The following ITFG2 variants were observed in gnomAD, a reference collection of about 807,000 sequenced individuals.
The protein encoded by ITFG2 is KICSTOR complex protein ITFG2.
In ITFG2, 36 loss-of-function variants were observed where a neutral mutation model predicts 54.4. The ratio of observed to expected loss-of-function variants is 0.66; its 90% CI spans 0.51 to 0.87. The LOEUF is 0.87. Ranked by LOEUF, ITFG2 falls within the 40% of genes least tolerant of loss-of-function variation. ITFG2 has a pLI of 0.00. For synonymous variants in ITFG2, 211 were observed against 225.4 expected, an observed-to-expected ratio of 0.94 and a Z score of 0.57; for missense variants, 524 against 576.7, an observed-to-expected ratio of 0.91 and a Z score of 0.94.
At position 2,840,654 on chromosome 12, in the gene ITFG2, C is replaced by T. The variant is rs773645930; in HGVS notation, n.147-188C>T. On this transcript the variant is annotated intron_variant and non_coding_transcript_variant, in intron 1 of 3. Coordinates refer to the ITFG2 transcript ENST00000537710. Reference sequence around the variant, plus strand: ...ACAAAAACTTAGCCGGGCGAGGTGGCGGGCGCCTGTAGTCCCAGCTACTCG... The same window carrying T: ...ACAAAAACTTAGCCGGGCGAGGTGGTGGGCGCCTGTAGTCCCAGCTACTCG... 1.1e-4 allele frequency among the ~76,000 whole-genome samples: 17 copies of T among 151,934 alleles called. No individual in the cohort carries two copies. In the East Asian group the frequency reaches 1.4e-3, roughly 12 times the overall value.
chr12:2,851,071 C>G (rs28431051), intron 2 of ITFG2, among the ~76,000 whole-genome samples: 144,780 of 144,780 alleles, frequency 1, 72,390 homozygotes, highest in Non-Finnish European at 1. Flanking sequence ...GGAGGCTGAG[C>G]CAGGAGAATC....
At position 2,822,823 on chromosome 12, in the gene ITFG2, C is replaced by T. The variant is rs61744187; in HGVS notation, c.978C>T (p.Cys326=). Residue 326 remains cysteine (C), a synonymous_variant, in exon 10 of 12, where the codon TGC becomes TGT. Coordinates refer to ENST00000228799, the MANE Select transcript of ITFG2 (RefSeq NM_018463.4). ...TGNGHEEVVA[C]AWDGQTYIID... The stretch of plus-strand genomic sequence containing the variant: ...ACGGGCATGAGGAGGTAGTTGCATG[C>T]GCCTGGGATGGACAGACATATATCA... The T allele has an allele frequency of 2.0e-4, 319 of 1,614,018 alleles. No homozygotes were observed. Among genetic ancestry groups the T allele is most frequent in the African/African-American group, 3.3e-4 (25 of 74,910 alleles).
At chr12:2,847,181 T>C (rs1426861798) in intron 2 of ITFG2, among the ~76,000 whole-genome samples, 1 of 152,212 alleles carries the variant, frequency 6.6e-6, no homozygotes, top group Non-Finnish European at 1.5e-5. Flanking sequence ...TTGTAACATG[T>C]ATTCTTTTAA....
At chr12:2,859,528 C>T in intron 3 of ITFG2, 1 of 1,614,016 alleles carries the variant, frequency 6.2e-7, no homozygotes, top group East Asian at 2.2e-5. Context: ...GGCATTTCCT[C>T]CCCAGGCTGG....
At chr12:2,827,770 A>G, downstream of ITFG2, 2 of 1,608,268 alleles carry the variant, frequency 1.2e-6, no homozygotes, top group Middle Eastern at 4.3e-4. This position sits in a 1 kb window ranked among gnomAD's most constrained non-coding sequence, Gnocchi z 4.0. Flanking sequence ...TGCCCACCCC[A>G]TCCCCAGATC....
Position 2,845,797 on chromosome 12 carries a change from T to C in ITFG2, n.300+4802T>C, listed in dbSNP as rs16930022. ...TTCAGGACCTCTAGGTTCATTCGTG[T>C]GTGGGGATGGAGTAAGGAGGTTGCT... On this transcript the variant is annotated intron_variant and non_coding_transcript_variant, in intron 2 of 3. Coordinates refer to the ITFG2 transcript ENST00000537710. The surrounding 1 kb of genome is among the most constrained non-coding windows in gnomAD (Gnocchi z 4.2). Among the ~76,000 whole-genome samples, 35,196 of 151,990 alleles carry C rather than the reference T, an allele frequency of 0.23. 5,393 individuals are homozygous for C. The highest frequency in any genetic ancestry group is 0.43 in the African/African-American group (18,009 of 41,416).
Sources: allele counts gnomAD v4.1 joint callset (sites outside exome capture counted in the v4.1 genomes callset), GRCh38; gene constraint gnomAD v4.1.1; non-coding constraint Gnocchi (gnomAD v3.1); transcripts MANE v1.5; gene names NCBI Gene and HGNC (gene_info 2026-07-23, HGNC 2026-07-21).